The following PRLR variants were observed in gnomAD, a reference collection of about 807,000 sequenced individuals.
PRLR encodes the protein prolactin receptor, also known as hPRL receptor.
PRLR carries 13 observed loss-of-function variants against 40.2 expected under a neutral mutation model. The observed-to-expected ratio is 0.32, with a 90% CI of 0.21 to 0.51. The LOEUF (loss-of-function observed/expected upper bound fraction) is 0.51. PRLR is among the 20% of genes least tolerant of loss of function. The pLI is 0.97. For synonymous variants in PRLR, 269 were observed against 278.7 expected (o/e 0.97, Z 0.35); for missense variants, 656 against 747.3 (o/e 0.88, Z 1.42).
chr5:35,191,599 T>C (rs67209755), intron 1 of PRLR, among the ~76,000 whole-genome samples: 27,644 of 152,196 alleles, frequency 0.18, 2,638 homozygotes, highest in Non-Finnish European at 0.18. Flanking sequence ...GATCTAATCA[T>C]ACATCTCTCC....
At chr5:35,137,375 C>G (rs1341723618) in intron 1 of PRLR, among the ~76,000 whole-genome samples, 1 of 152,038 alleles carries the variant, frequency 6.6e-6, no homozygotes, top group Non-Finnish European at 1.5e-5. Flanking sequence ...TGGAGGATCT[C>G]CAAACAGAAA....
Position 35,086,090 on chromosome 5 carries a change from G to A in PRLR, c.203+118C>T. 6 of 1,261,332 alleles carry A rather than the reference G, an allele frequency of 4.8e-6. No individual in the cohort carries two copies. The South Asian group carries it at 8.4e-5, about 18-fold the overall frequency. The allele number at this position is 1,261,332 out of a possible 1,614,324, so 78.1% of individuals were successfully genotyped here. A position where few individuals can be genotyped will look rare whatever the true frequency, so the allele number is the denominator to read the frequency against. On this transcript the variant is annotated intron_variant, in intron 4 of 9. Transcript: ENST00000618457. ...ACCTTAGACTCCCCTTTCCCCGGTG[G>A]TATGAACCTTACTGGTGTAAATTCA...
At chr5:35,198,334 C>T (rs1021776837) in intron 1 of PRLR, among the ~76,000 whole-genome samples, 38 of 152,314 alleles carry the variant, frequency 2.5e-4, no homozygotes, top group South Asian at 8.3e-4. Context: ...AAATGGAGCA[C>T]TTTATAATAA....
At chr5:35,144,960 G>A (rs1774139851) in intron 1 of PRLR, among the ~76,000 whole-genome samples, 1 of 152,160 alleles carries the variant, frequency 6.6e-6, no homozygotes, top group South Asian at 2.1e-4. Flanking sequence ...GGAACACTGT[G>A]TCTCTCAAAT....
chr5:35,216,442 A>AGGTAAGATGTGGGGCAT (rs1776290547), intron 1 of PRLR, among the ~76,000 whole-genome samples: 1 of 152,240 alleles, frequency 6.6e-6, no homozygotes. Flanking sequence ...ATCTTAGTAG[A>AGGTAAGATGTGGGGCAT]GTAAGCAGAG....
chr5:35,134,406 G>A (rs749565079), intron 1 of PRLR, among the ~76,000 whole-genome samples: 1 of 152,024 alleles, frequency 6.6e-6, no homozygotes, highest in Non-Finnish European at 1.5e-5. Context: ...GGCGGGGAGT[G>A]GGGGAGGGGG....
At chr5:35,226,027 G>T (rs567228694) in intron 1 of PRLR, among the ~76,000 whole-genome samples, 39 of 152,156 alleles carry the variant, frequency 2.6e-4, no homozygotes, top group Non-Finnish European at 5.4e-4. Context: ...TAAAAATCTG[G>T]GGTGCGTTGT....
At chr5:35,201,966 A>C (rs962443349) in intron 1 of PRLR, among the ~76,000 whole-genome samples, 1 of 152,248 alleles carries the variant, frequency 6.6e-6, no homozygotes, top group African/African-American at 2.4e-5. Flanking sequence ...CAACGTAAGT[A>C]GAATGCAGAC....
At chr5:35,197,146 AT>A (rs1775759469) in intron 1 of PRLR, among the ~76,000 whole-genome samples, 1 of 152,030 alleles carries the variant, frequency 6.6e-6, no homozygotes, top group South Asian at 2.1e-4. Context: ...TTTTATTTTA[AT>A]TCTATTTTAT....
intron 2 of PRLR, among the ~76,000 whole-genome samples, chr5:35,100,554 A>T (rs754829963): frequency 6.6e-6 from 1 of 152,218 alleles, no homozygotes; most frequent in Non-Finnish European, 1.5e-5. Flanking sequence ...GGTAAAGTAA[A>T]ATGTTGTATA....
At chr5:35,126,525 A>G (rs1773473196) in intron 1 of PRLR, among the ~76,000 whole-genome samples, 1 of 152,146 alleles carries the variant, frequency 6.6e-6, no homozygotes, top group African/African-American at 2.4e-5. Context: ...CTGTGTGTGA[A>G]TATTGGCCCA....
At chr5:35,150,096 CTGG>C (rs1402513437) in intron 1 of PRLR, among the ~76,000 whole-genome samples, 1 of 152,142 alleles carries the variant, frequency 6.6e-6, no homozygotes, top group African/African-American at 2.4e-5. Context: ...GTTGGTCAGG[CTGG>C]TCTCGAACTC....
intron 1 of PRLR, among the ~76,000 whole-genome samples, chr5:35,164,943 T>C (rs1774778650): frequency 6.6e-6 from 1 of 152,234 alleles, no homozygotes; most frequent in Non-Finnish European, 1.5e-5. Context: ...CCTAAGTTTC[T>C]GGTTTGGGTC....
intron 1 of PRLR, among the ~76,000 whole-genome samples, chr5:35,151,681 T>TATAC (rs1774345981): frequency 6.6e-6 from 1 of 152,184 alleles, no homozygotes; most frequent in Non-Finnish European, 1.5e-5. Flanking sequence ...CCAAGGCTCC[T>TATAC]GAGAGGGTTC....
intron 1 of PRLR, chr5:35,152,727 C>T (rs1774377042): frequency 6.6e-6 from 1 of 152,106 alleles, no homozygotes; most frequent in Non-Finnish European, 1.5e-5. Context: ...TTTTAGTTTG[C>T]AGAGAAGTCA....
chr5:35,074,536 A>T (rs1769951161), intron 5 of PRLR, among the ~76,000 whole-genome samples: 1 of 139,872 alleles, frequency 7.1e-6, no homozygotes. Flanking sequence ...TGAAATATCC[A>T]GACGAGGCAA....
At chr5:35,173,032 C>T (rs1775046091) in intron 1 of PRLR, among the ~76,000 whole-genome samples, 1 of 151,904 alleles carries the variant, frequency 6.6e-6, no homozygotes, top group African/African-American at 2.4e-5. Context: ...TGCAATTGTT[C>T]TTAAGATGGT....
intron 1 of PRLR, among the ~76,000 whole-genome samples, chr5:35,189,935 A>T (rs1210698757): frequency 1.3e-5 from 2 of 152,308 alleles, no homozygotes; most frequent in East Asian, 3.9e-4. Flanking sequence ...ATCAGAGTAG[A>T]CATCCTGCTT....
At chr5:35,191,115 G>A (rs1286530151) in intron 1 of PRLR, among the ~76,000 whole-genome samples, 1 of 107,516 alleles carries the variant, frequency 9.3e-6, no homozygotes, top group Non-Finnish European at 1.8e-5. Flanking sequence ...CTGTCGCCCA[G>A]GCTGGAGTGC....
Sources: gnomAD v4.1 joint callset for allele counts (sites outside exome capture counted in the v4.1 genomes callset) on GRCh38, gnomAD v4.1.1 for gene constraint, MANE v1.5 for transcripts, NCBI Gene and HGNC (gene_info 2026-07-23, HGNC 2026-07-21) for gene names.